Variants in CCDC57 observed in about 807,000 individuals in gnomAD.
CCDC57 encodes the protein coiled-coil domain-containing protein 57.
In CCDC57, 118 loss-of-function variants were observed where a neutral mutation model predicts 118.9. The ratio of observed to expected loss-of-function variants is 0.99; its 90% CI spans 0.86 to 1.16. The LOEUF (loss-of-function observed/expected upper bound fraction) is 1.16, where lower values mean the gene tolerates loss of function less well. Among genes scored for constraint, CCDC57 ranks in the 50% most tolerant of loss-of-function variants. The pLI, the probability that CCDC57 is intolerant of heterozygous loss-of-function variation, is 0.00. For synonymous variants in CCDC57, 527 were observed against 532.9 expected (o/e 0.99, Z 0.15); for missense variants, 1,300 against 1,320.7 (o/e 0.98, Z 0.24).
At chr17:82,165,576 C>A (rs1463907382) in intron 13 of CCDC57, among the ~76,000 whole-genome samples, 2 of 152,098 alleles carry the variant, frequency 1.3e-5, no homozygotes, top group East Asian at 3.9e-4. Flanking sequence ...GGGACCACAC[C>A]TGCCCTCCTG....
chr17:82,170,310 C>A (rs995070493), intron 13 of CCDC57, among the ~76,000 whole-genome samples: 1 of 152,024 alleles, frequency 6.6e-6, no homozygotes, highest in African/African-American at 2.4e-5. Context: ...GAGTTCGGGA[C>A]CAGCCTGACC....
At chr17:82,179,624 G>A (rs908055298) in intron 9 of CCDC57, among the ~76,000 whole-genome samples, 4 of 152,146 alleles carry the variant, frequency 2.6e-5, no homozygotes, top group Non-Finnish European at 5.9e-5. Context: ...ACCCAGCCAC[G>A]GGGCGGGCGG....
At chr17:82,141,805 CT>C (rs1771021494) in intron 16 of CCDC57, among the ~76,000 whole-genome samples, 1 of 152,154 alleles carries the variant, frequency 6.6e-6, no homozygotes, top group Non-Finnish European at 1.5e-5. Flanking sequence ...TTTGAGATTA[CT>C]TTCCATCAAA....
chr17:82,177,781 G>T (rs1281746056), intron 11 of CCDC57, among the ~76,000 whole-genome samples: 2 of 152,168 alleles, frequency 1.3e-5, no homozygotes, highest in African/African-American at 4.8e-5. Flanking sequence ...GGGGGTGCTT[G>T]GGCACACTTA....
chr17:82,163,250 C>T lies in CCDC57; in HGVS notation c.1990G>A (p.Gly664Arg), dbSNP rs377208052. The stretch of plus-strand genomic sequence containing the variant: ...AGGTTTAGGAGCTGCACTCTGTCCC[C>T]GAGCTTCCTGAGTGCCAGTCCAGAG... The change falls in exon 14 of 20, where the codon GGG (glycine) becomes AGG (arginine). Residue 664 changes from glycine (G) to arginine (R), a missense_variant. Coordinates refer to ENST00000665763, the Ensembl canonical transcript of CCDC57. 8.1e-5 allele frequency: 130 copies of T among 1,613,888 alleles called. No homozygotes were observed. The highest frequency in any genetic ancestry group is 6.7e-5 in the African/African-American group (5 of 74,934).
At chr17:82,205,967 G>A (rs2049578684) in intron 2 of CCDC57, among the ~76,000 whole-genome samples, 2 of 152,228 alleles carry the variant, frequency 1.3e-5, no homozygotes, top group Non-Finnish European at 2.9e-5. Flanking sequence ...AAAGCCCCAA[G>A]GCTGAGATTA....
Position 82,129,210 on chromosome 17 carries a change from C to A in CCDC57, c.2578-613G>T, listed in dbSNP as rs558830732. On this transcript the variant is annotated intron_variant, in intron 17 of 19. Coordinates refer to ENST00000665763, the Ensembl canonical transcript of CCDC57. ...CTGGGATCACAGGTGTGAGCCACCA[C>A]GCCTGACCTGATCCTGCTTCTTGAA... 7.2e-5 allele frequency among the ~76,000 whole-genome samples: 11 copies of A among 152,274 alleles called. No individual in the cohort carries two copies. The South Asian group carries it at 2.3e-3, about 32-fold the overall frequency.
At chr17:82,151,907 T>G (rs923487384) in intron 15 of CCDC57, 134 bp from the exon 15 acceptor site, 5 of 689,384 alleles carry the variant, frequency 7.3e-6, no homozygotes, top group Non-Finnish European at 9.6e-6. Flanking sequence ...GTGACATCCT[T>G]CCAAAAGAAA....
chr17:82,129,752 C>T (rs1429479335), intron 17 of CCDC57, among the ~76,000 whole-genome samples: 2 of 152,060 alleles, frequency 1.3e-5, no homozygotes, highest in Non-Finnish European at 2.9e-5. Context: ...TCATATGGCA[C>T]CATTTACTAT....
At chr17:82,179,427 T>C (rs1201479386) in intron 9 of CCDC57, among the ~76,000 whole-genome samples, 1 of 151,764 alleles carries the variant, frequency 6.6e-6, no homozygotes, top group African/African-American at 2.4e-5. Context: ...TGGATGAGGG[T>C]GATGCCCACA....
intron 8 of CCDC57, among the ~76,000 whole-genome samples, chr17:82,185,833 T>G (rs1367185428): frequency 6.6e-6 from 1 of 151,926 alleles, no homozygotes; most frequent in Non-Finnish European, 1.5e-5. Flanking sequence ...CTGGGCAACA[T>G]GGGGAGACCC....
intron 13 of CCDC57, among the ~76,000 whole-genome samples, chr17:82,168,860 A>G (rs1211640428): frequency 1.3e-5 from 2 of 151,998 alleles, no homozygotes; most frequent in African/African-American, 4.8e-5. Flanking sequence ...AACAAAAACA[A>G]AGAATCGTGA....
At chr17:82,126,463 A>C (rs1205104267) in intron 19 of CCDC57, 1 of 976,818 alleles carries the variant, frequency 1.0e-6, no homozygotes, top group Non-Finnish European at 1.2e-6. Flanking sequence ...GAGCTGCTAC[A>C]AATCAATAAG....
chr17:82,187,482 C>T (rs567177744), intron 8 of CCDC57, among the ~76,000 whole-genome samples: 53 of 120,986 alleles, frequency 4.4e-4, no homozygotes, highest in Non-Finnish European at 3.2e-4. Context: ...GTCCCCAGCC[C>T]GGTCGCATCC....
In CCDC57 at chr17:82,192,807, GTTC is replaced by G. The variant is rs1157588472; in HGVS notation, c.851+946_851+948del. 2.6e-5 allele frequency among the ~76,000 whole-genome samples: 4 copies of G among 152,252 alleles called. No homozygotes were observed. The highest frequency in any genetic ancestry group is 9.6e-5 in the African/African-American group (4 of 41,460). ...AAACAGCACAGACAGTGTCCTTGAA[GTTC>G]TTCTGGATTTATACAACTGCACAAA... On this transcript the variant is annotated intron_variant, in intron 7 of 19. Transcript: ENST00000665763. This position sits in a 1 kb window ranked among gnomAD's most constrained non-coding sequence, Gnocchi z 4.0.
chr17:82,204,024 C>T (rs775334557), intron 2 of CCDC57, among the ~76,000 whole-genome samples: 20 of 152,170 alleles, frequency 1.3e-4, no homozygotes, highest in Non-Finnish European at 2.2e-4. Context: ...CTGCAAGACC[C>T]GTGGGCCCCT....
intron 19 of CCDC57, 142 bp downstream of exon 18, chr17:82,127,550 C>T: frequency 1.4e-6 from 2 of 1,438,662 alleles, no homozygotes; most frequent in Non-Finnish European, 1.8e-6. Context: ...GGTAAAGAGA[C>T]TCCATGCATT....
intron 19 of CCDC57, among the ~76,000 whole-genome samples, chr17:82,105,705 CA>C (rs1250903910): frequency 1.3e-5 from 2 of 152,006 alleles, no homozygotes; most frequent in African/African-American, 4.8e-5. Context: ...CAATGGGGTA[CA>C]GGGGGAGGGA....
At chr17:82,110,426 C>T (rs2035161081) in intron 19 of CCDC57, among the ~76,000 whole-genome samples, 1 of 152,136 alleles carries the variant, frequency 6.6e-6, no homozygotes, top group Admixed American at 6.5e-5. Context: ...GTTAACTCAC[C>T]CATGTTCCTC....
Sources: gnomAD v4.1 joint callset for allele counts (sites outside exome capture counted in the v4.1 genomes callset) on GRCh38, gnomAD v4.1.1 for gene constraint, Gnocchi (gnomAD v3.1) non-coding constraint, MANE v1.5 for transcripts, NCBI Gene and HGNC (gene_info 2026-07-23, HGNC 2026-07-21) for gene names.